Variants in DHRS12 observed in about 807,000 individuals in gnomAD.
The protein encoded by DHRS12 is dehydrogenase/reductase SDR family member 12.
Under a neutral mutation model 32.1 loss-of-function variants are expected in DHRS12, and 29 were observed. The ratio of observed to expected loss-of-function variants is 0.90; its 90% confidence interval spans 0.67 to 1.23. The LOEUF (loss-of-function observed/expected upper bound fraction) is 1.23. Among genes scored for constraint, DHRS12 ranks in the 50% most tolerant of loss-of-function variants. The probability of loss-of-function intolerance (pLI) is 0.00; values close to 1 mark genes in which losing one functional copy is unlikely to be tolerated. For missense variants in DHRS12, 330 were observed against 337.2 expected (o/e 0.98, Z 0.17); for synonymous variants, 150 against 135.9 (o/e 1.10, Z -0.72).
chr13:51,791,687 A>G (rs2760304), intron 2 of DHRS12, among the ~76,000 whole-genome samples: 28,235 of 152,126 alleles, frequency 0.19, 2,867 homozygotes, highest in East Asian at 0.36. Flanking sequence ...ACAATGTTGT[A>G]CAGTGCACCT....
At chr13:51,765,595 C>CG (rs1469111536), downstream of DHRS12, 1 of 152,174 alleles carries the variant, frequency 6.6e-6, no homozygotes, top group African/African-American at 2.4e-5. Flanking sequence ...TTGGACATGC[C>CG]TAGCCCATCA....
At position 51,801,647 on chromosome 13, in the gene DHRS12, C is replaced by T. The variant is rs535087328; in HGVS notation, c.-8-1980G>A. ...TTTCCCCCTAAACACAGACGTGAGCCCTGGAATCTCTGTGAAAGGCTTTTC... is the reference window on the plus strand; with the variant it reads ...TTTCCCCCTAAACACAGACGTGAGCTCTGGAATCTCTGTGAAAGGCTTTTC... On this transcript the variant is annotated intron_variant, in intron 1 of 8. Transcript: ENST00000444610. Among the ~76,000 whole-genome samples the T allele has an allele frequency of 5.7e-4, 87 of 152,262 alleles. 2 individuals carry two copies. The South Asian group carries it at 0.018, about 31-fold the overall frequency.
chr13:51,782,037 C>T lies in DHRS12; in HGVS notation c.302-4916G>A, dbSNP rs142804700. ...ACGTTGTGCAGAGAGTCCAAAGGCA[C>T]GATCACTGCTTGGATATGAGAAGTG... On this transcript the variant is annotated intron_variant, in intron 4 of 8. Transcript: ENST00000444610. The surrounding 1 kb of genome is among the most constrained non-coding windows in gnomAD (Gnocchi z 4.2). Among the ~76,000 whole-genome samples the T allele has an allele frequency of 3.4e-4, 51 of 152,176 alleles. No homozygotes were observed. Among genetic ancestry groups the T allele is most frequent in the Non-Finnish European group, 5.7e-4 (39 of 68,006 alleles).
At chr13:51,797,805 G>A (rs1399146328) in intron 2 of DHRS12, 57 of 1,533,974 alleles carry the variant, frequency 3.7e-5, no homozygotes, top group South Asian at 9.5e-5. Context: ...AACCCAGCAG[G>A]AGGGGTGAGG....
At chr13:51,788,285 A>G (rs999277654) in intron 4 of DHRS12, among the ~76,000 whole-genome samples, 2 of 152,142 alleles carry the variant, frequency 1.3e-5, no homozygotes, top group Admixed American at 6.6e-5. Flanking sequence ...AAACTCTAGC[A>G]TGACCCCACA....
intron 2 of DHRS12, among the ~76,000 whole-genome samples, chr13:51,796,535 C>A (rs533477999): frequency 6.6e-6 from 1 of 152,332 alleles, no homozygotes; most frequent in East Asian, 1.9e-4. Context: ...CTCTCTACCC[C>A]TCCTAAACAT....
the DHRS12 span, among the ~76,000 whole-genome samples, chr13:51,757,217 T>G: frequency 3.3e-5 from 5 of 152,210 alleles, no homozygotes; most frequent in African/African-American, 1.2e-4. Context: ...AAGTATGCAT[T>G]TATGTTCATT....
At chr13:51,767,323 TGATAGC>T (rs1953781151), downstream of DHRS12, 1 of 152,252 alleles carries the variant, frequency 6.6e-6, no homozygotes, top group Non-Finnish European at 1.5e-5. Context: ...GGTGCTTGCT[TGATAGC>T]GCCTCCTTTT....
At chr13:51,797,789 C>G (rs1566308524) in intron 2 of DHRS12, 1 of 1,530,764 alleles carries the variant, frequency 6.5e-7, no homozygotes, top group South Asian at 1.2e-5. Context: ...ACCATGGAGG[C>G]AAGGAAACCC....
the DHRS12 span, chr13:51,759,670 A>G: frequency 6.7e-7 from 1 of 1,499,190 alleles, no homozygotes; most frequent in Non-Finnish European, 9.2e-7. Flanking sequence ...TCCTTGAAGA[A>G]TTCAGTTCTA....
intron 2 of DHRS12, among the ~76,000 whole-genome samples, chr13:51,792,768 G>A (rs893961267): frequency 1.3e-5 from 2 of 152,086 alleles, no homozygotes; most frequent in East Asian, 1.9e-4. Flanking sequence ...TTTCAAATCC[G>A]GTTATAAGTT....
intron 8 of DHRS12, 101 bp downstream of exon 8, chr13:51,769,055 A>G (rs1456409305): frequency 1.3e-6 from 2 of 1,518,468 alleles, no homozygotes; most frequent in African/African-American, 2.8e-5. Flanking sequence ...CCCAGGGGAC[A>G]GTCCCACCCC....
In DHRS12 at chr13:51,791,210, C is replaced by A; in HGVS notation, c.174G>T (p.Trp58Cys). Residue 58 changes from tryptophan (W) to cysteine (C), a missense_variant, in exon 3 of 9, where the codon TGG (tryptophan) becomes TGT (cysteine). Transcript: ENST00000444610. ...IVDLSDPKQI[W>C]KFVENFKQEH... ...CCTGCTTGAAATTTTCAACAAATTT[C>A]CAGATTTGCTTGGGATCAGACAAGT... 1 of 1,579,846 alleles carries A rather than the reference C, an allele frequency of 6.3e-7. No individual in the cohort carries two copies. Among genetic ancestry groups the A allele is most frequent in the Non-Finnish European group, 8.6e-7 (1 of 1,161,344 alleles).
intron 4 of DHRS12, among the ~76,000 whole-genome samples, chr13:51,783,670 C>G (rs1954825209): frequency 6.6e-6 from 1 of 152,136 alleles, no homozygotes; most frequent in African/African-American, 2.4e-5. Context: ...CTAGCCACTC[C>G]CTAATCCCGC....
Position 51,802,218 on chromosome 13 carries a change from C to CA in DHRS12, c.-9+1835_-9+1836insT, listed in dbSNP as rs746047641. On this transcript the variant is annotated intron_variant, in intron 1 of 8. Coordinates refer to ENST00000444610, the MANE Select transcript of DHRS12 (RefSeq NM_001377533.1). ...ACACACACACACACACACACACACA[C>CA]GACTTTCCCAAGGTCACCAGAAGGT... Among the ~76,000 whole-genome samples, 700 of 99,708 alleles carry CA rather than the reference C, an allele frequency of 7.0e-3. 3 individuals carry two copies. The highest frequency in any genetic ancestry group is 8.7e-3 in the African/African-American group (196 of 22,478). 65.4% of individuals were successfully genotyped at this position (99,708 alleles called of 152,430 possible).
chr13:51,772,764 G>C, intron 6 of DHRS12: 1 of 985,418 alleles, frequency 1.0e-6, no homozygotes, highest in Non-Finnish European at 1.2e-6. Context: ...CCATCTCTGG[G>C]CCTCATTTAC....
chr13:51,771,416 CATT>C lies in DHRS12; in HGVS notation c.559+402_559+404del, dbSNP rs760151168. The C allele has an allele frequency of 2.7e-3, 4,415 of 1,614,204 alleles. 12 individuals are homozygous for C. Among genetic ancestry groups the C allele is most frequent in the Non-Finnish European group, 3.4e-3 (4,062 of 1,180,040 alleles). ...GTGGCTGGCATTTACCTTCATGCAT[CATT>C]ATTTCCAAAAACCTGGGGAGTGGTG... On this transcript the variant is annotated intron_variant, in intron 7 of 8. Transcript: ENST00000444610.
chr13:51,803,212 G>A (rs1002524980), intron 1 of DHRS12, among the ~76,000 whole-genome samples: 3 of 152,170 alleles, frequency 2.0e-5, no homozygotes, highest in Admixed American at 1.3e-4. Flanking sequence ...GTTGCCGTGG[G>A]AACTGATAAA....
chr13:51,785,696 GC>G (rs1954923322), intron 4 of DHRS12, among the ~76,000 whole-genome samples: 1 of 152,202 alleles, frequency 6.6e-6, no homozygotes, highest in Non-Finnish European at 1.5e-5. Flanking sequence ...GCTGAGCCCA[GC>G]TGAGATCAGC....
Sources: gnomAD v4.1 joint callset for allele counts (sites outside exome capture counted in the v4.1 genomes callset) on GRCh38, gnomAD v4.1.1 for gene constraint, Gnocchi (gnomAD v3.1) non-coding constraint, MANE v1.5 for transcripts, NCBI Gene and HGNC (gene_info 2026-07-23, HGNC 2026-07-21) for gene names.